The following ACACB variants were observed in gnomAD, a reference collection of about 807,000 sequenced individuals.
ACACB encodes the protein acetyl-CoA carboxylase 2.
Under a neutral mutation model 278.8 loss-of-function variants are expected in ACACB, and 209 were observed. That is an observed-to-expected ratio of 0.75 (90% CI 0.67 to 0.84). The LOEUF is 0.84. ACACB is among the 40% of genes least tolerant of loss of function. ACACB has a pLI of 0.00. For missense variants in ACACB, 2,850 were observed against 3,269.0 expected (o/e 0.87, Z 3.13); for synonymous variants, 1,174 against 1,285.6 (o/e 0.91, Z 1.86).
At chr12:109,260,452 T>A (rs563600140) in intron 47 of ACACB, 28 bp from the exon 48 acceptor site, 1 of 1,613,950 alleles carries the variant, frequency 6.2e-7, no homozygotes, top group African/African-American at 1.3e-5. Flanking sequence ...GTGAGGGCCC[T>A]GAACTGGGAG....
At chr12:109,174,481 C>T (rs2044218496) in intron 7 of ACACB, among the ~76,000 whole-genome samples, 1 of 151,330 alleles carries the variant, frequency 6.6e-6, no homozygotes, top group African/African-American at 2.4e-5. Context: ...TCCTATGACC[C>T]AGTGTTGAAC....
At chr12:109,145,978 C>T (rs2043233871) in intron 2 of ACACB, among the ~76,000 whole-genome samples, 1 of 152,100 alleles carries the variant, frequency 6.6e-6, no homozygotes, top group East Asian at 1.9e-4. Flanking sequence ...CACTGCACTC[C>T]AGCCTGGGCA....
intron 4 of ACACB, among the ~76,000 whole-genome samples, chr12:109,169,408 G>A (rs576181863): frequency 4.6e-5 from 7 of 152,280 alleles, no homozygotes; most frequent in South Asian, 2.1e-4. Flanking sequence ...CATGTGATGC[G>A]GGTGGGATGG....
At position 109,216,810 on chromosome 12, in the gene ACACB, T is replaced by C. The variant is rs1565936208; in HGVS notation, c.3454T>C (p.Cys1152Arg). Residue 1152 changes from cysteine (C) to arginine (R), a missense_variant, in exon 24 of 53, where the codon TGT becomes CGT. Cys to Arg is a radical substitution (Grantham distance 180). Coordinates refer to ENST00000338432, the MANE Select transcript of ACACB (RefSeq NM_001093.4). ...HHFQQAHYDK[C>R]VINLREQFKP... ...GTCTCCCCCAGCCCACTACGACAAG[T>C]GTGTGATAAACCTCAGGGAGCAGTT... The C allele has an allele frequency of 6.2e-7, 1 of 1,614,062 alleles. No individual in the cohort carries two copies. The highest frequency in any genetic ancestry group is 8.5e-7 in the Non-Finnish European group (1 of 1,180,016).
chr12:109,223,546 C>G (rs930766130), intron 26 of ACACB, among the ~76,000 whole-genome samples: 1 of 152,062 alleles, frequency 6.6e-6, no homozygotes, highest in African/African-American at 2.4e-5. Flanking sequence ...CACTTAAGCC[C>G]AGGAATTTGA....
intron 21 of ACACB, among the ~76,000 whole-genome samples, chr12:109,211,898 C>G (rs2136436526): frequency 6.6e-6 from 1 of 152,116 alleles, no homozygotes; most frequent in South Asian, 2.1e-4. Context: ...GTCATTGATC[C>G]AGGTTTTTTT....
chr12:109,259,131 T>C (rs750985973), intron 47 of ACACB, 23 bp downstream of exon 47: 85 of 1,612,438 alleles, frequency 5.3e-5, no homozygotes, highest in Non-Finnish European at 6.8e-5. Context: ...CTGCCTATGT[T>C]ACCCCAAAGC....
At chr12:109,216,090 T>C (rs1021901297) in intron 22 of ACACB, among the ~76,000 whole-genome samples, 1 of 152,028 alleles carries the variant, frequency 6.6e-6, no homozygotes, top group Non-Finnish European at 1.5e-5. Context: ...TGAGCCACCA[T>C]GCCTGGCCTT....
intron 2 of ACACB, among the ~76,000 whole-genome samples, chr12:109,149,529 A>T (rs974364273): frequency 6.6e-6 from 1 of 152,150 alleles, no homozygotes; most frequent in African/African-American, 2.4e-5. Context: ...GGCTGCAGTG[A>T]GCTATGATTG....
intron 2 of ACACB, among the ~76,000 whole-genome samples, chr12:109,148,792 A>ATGTG (rs1339097917): frequency 6.6e-6 from 1 of 151,824 alleles, no homozygotes; most frequent in African/African-American, 2.4e-5. Context: ...TGCCTAATAA[A>ATGTG]TGTGTGTGTG....
In ACACB at chr12:109,265,244, G is replaced by A. The variant is rs1255191712; in HGVS notation, c.7077G>A (p.Leu2359=). The change falls in exon 51 of 53, where the codon CTG becomes CTA. Residue 2359 remains leucine, a synonymous_variant. Coordinates refer to ENST00000338432, the MANE Select transcript of ACACB (RefSeq NM_001093.4). ...GTCACGTGCATATCCAGTCCATGCT[G>A]CGTCGCTGGTTCGTGGAGACGGAGG... ...ELSHVHIQSM[L]RRWFVETEGA... is the part of the protein sequence containing the mutation. 1 of 1,613,356 alleles carries A rather than the reference G, an allele frequency of 6.2e-7. No individual in the cohort carries two copies. The highest frequency in any genetic ancestry group is 1.3e-5 in the African/African-American group (1 of 74,926).
intron 16 of ACACB, among the ~76,000 whole-genome samples, chr12:109,194,837 C>A (rs2045057428): frequency 6.6e-6 from 1 of 152,060 alleles, no homozygotes; most frequent in African/African-American, 2.4e-5. Flanking sequence ...ATTATTCAAC[C>A]CCTATAGAAT....
chr12:109,162,754 C>T (rs1369258677), intron 2 of ACACB, among the ~76,000 whole-genome samples: 2 of 152,060 alleles, frequency 1.3e-5, no homozygotes, highest in Admixed American at 6.5e-5. Flanking sequence ...ATCTGGCCAG[C>T]GAGAGAGAAA....
At chr12:109,199,629 A>C in intron 18 of ACACB, 77 bp downstream of exon 18, 1 of 1,317,188 alleles carries the variant, frequency 7.6e-7, no homozygotes, top group Non-Finnish European at 9.8e-7. Context: ...TGTCTGAACA[A>C]ACAGGCCTAC....
rs368232786 is a variant in ACACB at position 109,246,134 on chromosome 12, C to G, written c.5302-45C>G. 5.3e-5 allele frequency: 83 copies of G among 1,558,838 alleles called. No homozygotes were observed. In the African/African-American group the frequency reaches 1.0e-3, roughly 19 times the overall value. On this transcript the variant is annotated intron_variant, in intron 38 of 52. Transcript: ENST00000338432. Reference sequence around the variant, plus strand: ...TAAAATAAAATAAAAAGTTTTCCCCCAAAGAAACAAACTCATTTTCCTTGT... The same window carrying G: ...TAAAATAAAATAAAAAGTTTTCCCCGAAAGAAACAAACTCATTTTCCTTGT...
At chr12:109,132,002 C>T (rs1404897541) in intron 1 of ACACB, among the ~76,000 whole-genome samples, 4 of 152,156 alleles carry the variant, frequency 2.6e-5, no homozygotes, top group Non-Finnish European at 5.9e-5. Flanking sequence ...ATCATATCTA[C>T]GCACTCCTTG....
intron 28 of ACACB, among the ~76,000 whole-genome samples, chr12:109,230,049 C>T (rs1222633937): frequency 6.6e-6 from 1 of 152,156 alleles, no homozygotes; most frequent in African/African-American, 2.4e-5. Flanking sequence ...TTACCTACGG[C>T]GGCATTGATG....
intron 39 of ACACB, 87 bp from the exon 40 acceptor site, chr12:109,247,519 C>T: frequency 1.2e-6 from 1 of 863,834 alleles, no homozygotes; most frequent in Non-Finnish European, 1.9e-6. Context: ...TAACATCCAT[C>T]CCTACGATGT....
In ACACB at chr12:109,252,013, C is replaced by A. The variant is rs572252719; in HGVS notation, c.5791-33C>A. On this transcript the variant is annotated intron_variant, in intron 41 of 52. Transcript: ENST00000338432. ...TGTGGGGGGTGGGTCCCTCGCCACTCTCCAGAATTCAGAGGGGGTCCTCTC... is the reference window on the plus strand; with the variant it reads ...TGTGGGGGGTGGGTCCCTCGCCACTATCCAGAATTCAGAGGGGGTCCTCTC... 6.4e-6 allele frequency: 10 copies of A among 1,551,404 alleles called. No individual in the cohort carries two copies. In the African/African-American group the frequency reaches 1.4e-4, roughly 21 times the overall value.
Sources: allele counts gnomAD v4.1 joint callset (sites outside exome capture counted in the v4.1 genomes callset), GRCh38; gene constraint gnomAD v4.1.1; transcripts MANE v1.5; gene names NCBI Gene and HGNC (gene_info 2026-07-23, HGNC 2026-07-21).